CHRM4: variants seen among roughly 807,000 people sequenced by gnomAD.
CHRM4 encodes the protein cholinergic receptor muscarinic 4.
Under a neutral mutation model 26.3 loss-of-function variants are expected in CHRM4, and 5 were observed. The ratio of observed to expected loss-of-function variants is 0.19; its 90% CI spans 0.10 to 0.40. CHRM4 has a LOEUF of 0.40. CHRM4 is among the 10% of genes least tolerant of loss of function. The probability of loss-of-function intolerance (pLI) is 1.00; values close to 1 mark genes in which losing one functional copy is unlikely to be tolerated. For synonymous variants in CHRM4, 290 were observed against 285.3 expected (o/e 1.02, Z -0.16); for missense variants, 402 against 664.5 (o/e 0.60, Z 4.34).
chr11:46,387,934 C>G (rs369740541), intron 1 of CHRM4, among the ~76,000 whole-genome samples: 4 of 152,326 alleles, frequency 2.6e-5, no homozygotes, highest in Admixed American at 6.5e-5. Context: ...GCCGCCTCTC[C>G]CCTCCACAGT....
At position 46,391,086 on chromosome 11, in the gene CHRM4, G is replaced by A. The variant is rs1945387222; in HGVS notation, c.-30+445C>T. The stretch of plus-strand genomic sequence containing the variant: ...CTGGGCAGCAAAGGGGGGTAGTACC[G>A]GAGCGGGGGAGGGGTGTCGGGGAGG... On this transcript the variant is annotated intron_variant, in intron 1 of 1. Coordinates refer to ENST00000682254, the MANE Select transcript of CHRM4 (RefSeq NM_000741.5). The surrounding 1 kb of genome is among the most constrained non-coding windows in gnomAD (Gnocchi z 6.3). Among the ~76,000 whole-genome samples, 2 of 152,036 alleles carry A rather than the reference G, an allele frequency of 1.3e-5. No individual in the cohort carries two copies. The highest frequency in any genetic ancestry group is 4.8e-5 in the African/African-American group (2 of 41,398).
Position 46,385,598 on chromosome 11 carries a change from C to T in CHRM4, c.960G>A (p.Thr320=), listed in dbSNP as rs201756257. The T allele has an allele frequency of 2.4e-5, 37 of 1,548,894 alleles. No individual in the cohort carries two copies. In the South Asian group the frequency reaches 3.6e-4, roughly 15 times the overall value. Residue 320 remains threonine (T), a synonymous_variant, in exon 2 of 2, where the codon ACG becomes ACA. Transcript: ENST00000682254. The surrounding 1 kb of genome is among the most constrained non-coding windows in gnomAD (Gnocchi z 6.3). ...GCAGGGGAGGGGCGGGCATGGCGGG[C>T]GTGGTGGCCTCTGTGGTGGACAGCT... The part of the protein sequence containing the change: ...ATELSTTEAT[T]PAMPAPPLQP...
chr11:46,390,868 G>A (rs1425202541), intron 1 of CHRM4, among the ~76,000 whole-genome samples: 1 of 152,240 alleles, frequency 6.6e-6, no homozygotes, highest in Non-Finnish European at 1.5e-5. Flanking sequence ...TTGGGGTGTA[G>A]GTCTTCGGTT....
rs1436591986 is a variant in CHRM4 at position 46,386,147 on chromosome 11, A to C, written c.411T>G (p.Pro137=). 6.2e-7 allele frequency: 1 copy of C among 1,613,638 alleles called. No homozygotes were observed. Among genetic ancestry groups the C allele is most frequent in the South Asian group, 1.1e-5 (1 of 91,070 alleles). ...SFDRYFCVTK[P]LTYPARRTTK... is the part of the protein sequence containing the mutation. ...TGGTGCGCCGGGCAGGGTAGGTGAG[A>C]GGCTTGGTGACGCAGAAGTAGCGGT... The change falls in exon 2 of 2, where the codon CCT becomes CCG. Residue 137 remains proline, a synonymous_variant. Transcript: ENST00000682254. This position sits in a 1 kb window ranked among gnomAD's most constrained non-coding sequence, Gnocchi z 5.8.
rs759941649 is a variant in CHRM4 at position 46,386,022 on chromosome 11, G to A, written c.536C>T (p.Thr179Met). 2.0e-5 allele frequency: 33 copies of A among 1,613,060 alleles called. No homozygotes were observed. Among genetic ancestry groups the A allele is most frequent in the Non-Finnish European group, 2.5e-5 (29 of 1,179,798 alleles). ...GATGAAGCACTGGTTGTCGGGCACC[G>A]TCCGCTTACCCACCACAAACTGCCA... ...LFWQFVVGKR[T>M]VPDNQCFIQF... is the part of the protein sequence containing the mutation. Residue 179 changes from threonine (T) to methionine (M), a missense_variant, in exon 2 of 2, where the codon ACG becomes ATG. Physicochemically the swap from Thr to Met is moderately conservative, Grantham distance 81 (BLOSUM62 -1). Around this residue, in one of 5 missense-constraint regions of CHRM4, gnomAD observed 48 missense variants for 129.1 expected, o/e 0.37. Transcript: ENST00000682254. The surrounding 1 kb of genome is among the most constrained non-coding windows in gnomAD (Gnocchi z 5.8).
At position 46,386,758 on chromosome 11, in the gene CHRM4, C is replaced by G. The variant is rs1000159355; in HGVS notation, c.-29-172G>C. On this transcript the variant is annotated intron_variant, in intron 1 of 1. Coordinates refer to ENST00000682254, the MANE Select transcript of CHRM4 (RefSeq NM_000741.5). The surrounding 1 kb of genome is among the most constrained non-coding windows in gnomAD (Gnocchi z 5.8). ...TCATTCAACATTAATTGAGCACCTA[C>G]TATGTGGCAAGCATTGCTCAGGGTG... 4.8e-5 allele frequency: 32 copies of G among 663,368 alleles called. No individual in the cohort carries two copies. The African/African-American group carries it at 5.4e-4, about 11-fold the overall frequency. The allele number at this position is 663,368 out of a possible 1,614,324, so 41.1% of individuals were successfully genotyped here. A position where few individuals can be genotyped will look rare whatever the true frequency, so the allele number is the denominator to read the frequency against.
Position 46,384,206 on chromosome 11 carries a change from T to C in CHRM4, c.*912A>G, listed in dbSNP as rs1945306438. Among the ~76,000 whole-genome samples the C allele has an allele frequency of 6.6e-6, 1 of 152,212 alleles. No homozygotes were observed. Among genetic ancestry groups the C allele is most frequent in the South Asian group, 2.1e-4 (1 of 4,836 alleles). On this transcript the variant is annotated 3_prime_UTR_variant, in exon 2 of 2. Transcript: ENST00000682254. ...TGCGAGGGCTGCGTGCCTACCTCAC[T>C]GCCCACCTCCCCCCTTCCCACTGTC...
At position 46,386,444 on chromosome 11, in the gene CHRM4, C is replaced by T. The variant is rs374900296; in HGVS notation, c.114G>A (p.Val38=). The T allele has an allele frequency of 1.9e-6, 3 of 1,613,888 alleles. No individual in the cohort carries two copies. The highest frequency in any genetic ancestry group is 2.5e-6 in the Non-Finnish European group (3 of 1,179,894). The part of the protein sequence containing the change: ...ETVEMVFIAT[V]TGSLSLVTVV... ...CAGTCACCAGGCTCAGGGAGCCTGT[C>T]ACTGTGGCAATGAAGACCATTTCCA... The change falls in exon 2 of 2, where the codon GTG becomes GTA. Residue 38 remains valine (V), a synonymous_variant. Coordinates refer to ENST00000682254, the MANE Select transcript of CHRM4 (RefSeq NM_000741.5). The surrounding 1 kb of genome is among the most constrained non-coding windows in gnomAD (Gnocchi z 5.8).
chr11:46,387,692 G>A (rs1173495567), intron 1 of CHRM4, among the ~76,000 whole-genome samples: 1 of 152,208 alleles, frequency 6.6e-6, no homozygotes, highest in African/African-American at 2.4e-5. Context: ...GGGACCAGAG[G>A]CGGTGCATGG....
In CHRM4 at chr11:46,389,811, G is replaced by C. The variant is rs190816687; in HGVS notation, c.-30+1720C>G. 2.4e-3 allele frequency among the ~76,000 whole-genome samples: 364 copies of C among 152,364 alleles called. 2 individuals carry two copies. Among genetic ancestry groups the C allele is most frequent in the African/African-American group, 8.3e-3 (345 of 41,598 alleles). On this transcript the variant is annotated intron_variant, in intron 1 of 1. Transcript: ENST00000682254. ...GCCCGGATTCCACCCGGCACCCTGC[G>C]AGGAACGTGTGGGCGGGAGCGCGAG...
chr11:46,390,481 C>T (rs949846518), intron 1 of CHRM4, among the ~76,000 whole-genome samples: 7 of 152,272 alleles, frequency 4.6e-5, no homozygotes, highest in African/African-American at 1.7e-4. Context: ...AGAGGGCATC[C>T]GCAGTGCACC....
Position 46,385,141 on chromosome 11 carries a change from G to C in CHRM4, c.1417C>G (p.Arg473Gly). Residue 473 changes from arginine to glycine, a missense_variant, in exon 2 of 2, where the codon CGG becomes GGG. Physicochemically the swap from Arg to Gly is moderately radical, Grantham distance 125 (BLOSUM62 -2). Transcript: ENST00000682254. The surrounding 1 kb of genome is among the most constrained non-coding windows in gnomAD (Gnocchi z 6.3). ...TFRHLLLCQY[R>G]NIGTAR ...GCCTACCTGGCAGTGCCGATGTTCCGATACTGGCACAGCAGCAGGTGCCGG... is the reference window on the plus strand; with the variant it reads ...GCCTACCTGGCAGTGCCGATGTTCCCATACTGGCACAGCAGCAGGTGCCGG... The C allele has an allele frequency of 6.2e-7, 1 of 1,611,020 alleles. No individual in the cohort carries two copies.
intron 1 of CHRM4, among the ~76,000 whole-genome samples, chr11:46,388,616 C>T (rs1162257310): frequency 6.6e-6 from 1 of 152,238 alleles, no homozygotes; most frequent in Non-Finnish European, 1.5e-5. Context: ...CCCAAGGTCA[C>T]ACAACGAGTC....
chr11:46,385,160 G>A lies in CHRM4; in HGVS notation c.1398C>T (p.His466=), dbSNP rs201937422. 13 of 1,613,414 alleles carry A rather than the reference G, an allele frequency of 8.1e-6. No individual in the cohort carries two copies. The highest frequency in any genetic ancestry group is 1.1e-5 in the Non-Finnish European group (13 of 1,179,456). The stretch of plus-strand genomic sequence containing the variant: ...TGTTCCGATACTGGCACAGCAGCAG[G>A]TGCCGGAAGGTCTTTTTAAAGGTGG... ...CNATFKKTFR[H]LLLCQYRNIG... The change falls in exon 2 of 2, where the codon CAC becomes CAT. Residue 466 remains histidine (H), a synonymous_variant. Transcript: ENST00000682254. This position sits in a 1 kb window ranked among gnomAD's most constrained non-coding sequence, Gnocchi z 6.3.
intron 1 of CHRM4, among the ~76,000 whole-genome samples, chr11:46,387,022 G>A (rs891819121): frequency 7.0e-6 from 1 of 143,380 alleles, no homozygotes; most frequent in Non-Finnish European, 1.6e-5. Flanking sequence ...CACAGCAAAG[G>A]CCTGGAGGCA....
intron 1 of CHRM4, among the ~76,000 whole-genome samples, chr11:46,388,007 G>C (rs758227433): frequency 6.6e-6 from 1 of 152,162 alleles, no homozygotes; most frequent in African/African-American, 2.4e-5. Context: ...CCCTGAGCCT[G>C]CCCTCCCTCC....
In CHRM4 at chr11:46,386,394, A is replaced by G; in HGVS notation, c.164T>C (p.Leu55Pro). ...VTVVGNILVMLSIKVNRQLQT... is the reference protein window; with the variant it reads ...VTVVGNILVMPSIKVNRQLQT... ...CAGCTGCCTGTTGACCTTGATGGAC[A>G]GCATCACCAGGATGTTGCCCACGAC... The change falls in exon 2 of 2, where the codon CTG becomes CCG. Residue 55 changes from leucine (L) to proline (P), a missense_variant. This residue lies in a region of CHRM4 where 92 missense variants were observed against 133.1 expected (regional missense o/e 0.69). Transcript: ENST00000682254. This position sits in a 1 kb window ranked among gnomAD's most constrained non-coding sequence, Gnocchi z 5.8. 1 of 1,614,022 alleles carries G rather than the reference A, an allele frequency of 6.2e-7. No individual in the cohort carries two copies. Among genetic ancestry groups the G allele is most frequent in the Non-Finnish European group, 8.5e-7 (1 of 1,179,908 alleles).
At position 46,391,497 on chromosome 11, in the gene CHRM4, AG is replaced by A; in HGVS notation, c.-30+33del. Among the ~76,000 whole-genome samples, 1 of 151,516 alleles carries A rather than the reference AG, an allele frequency of 6.6e-6. No individual in the cohort carries two copies. Among genetic ancestry groups the A allele is most frequent in the Non-Finnish European group, 1.5e-5 (1 of 67,834 alleles). On this transcript the variant is annotated intron_variant, in intron 1 of 1. Coordinates refer to ENST00000682254, the MANE Select transcript of CHRM4 (RefSeq NM_000741.5). This position sits in a 1 kb window ranked among gnomAD's most constrained non-coding sequence, Gnocchi z 6.3. ...CGCTCCCGGCCCGCGCTCGCCCCGGAGGGGGTCTGGCGCCCTGTCCCAGTCG... is the reference window on the plus strand; with the variant it reads ...CGCTCCCGGCCCGCGCTCGCCCCGGAGGGGTCTGGCGCCCTGTCCCAGTCG...
At chr11:46,390,445 G>A (rs1945381196) in intron 1 of CHRM4, among the ~76,000 whole-genome samples, 1 of 152,266 alleles carries the variant, frequency 6.6e-6, no homozygotes, top group Non-Finnish European at 1.5e-5. Flanking sequence ...AGGCGTTATT[G>A]CCAAAAGCCG....
Sources: gnomAD v4.1 joint callset for allele counts (sites outside exome capture counted in the v4.1 genomes callset) on GRCh38, gnomAD v4.1.1 for gene constraint, gnomAD v4.1.1 regional missense constraint, Gnocchi (gnomAD v3.1) non-coding constraint, MANE v1.5 for transcripts, NCBI Gene and HGNC (gene_info 2026-07-23, HGNC 2026-07-21) for gene names.